RBM42: variants seen among roughly 807,000 people sequenced by gnomAD.
The protein encoded by RBM42 is RNA binding motif protein 42.
In RBM42, 21 loss-of-function variants were observed where a neutral mutation model predicts 41.4. The ratio of observed to expected loss-of-function variants is 0.51; its 90% CI spans 0.36 to 0.73. The LOEUF is 0.73. RBM42 is among the 30% of genes least tolerant of loss of function. RBM42 has a pLI of 0.00. For synonymous variants in RBM42, 272 were observed against 271.2 expected, an observed-to-expected ratio of 1.00 and a Z score of -0.03; for missense variants, 539 against 680.4, an observed-to-expected ratio of 0.79 and a Z score of 2.31.
chr19:35,633,254 T>C lies in RBM42; in HGVS notation c.684+2T>C. The C allele has an allele frequency of 6.4e-7, 1 of 1,572,324 alleles. No homozygotes were observed. Among genetic ancestry groups the C allele is most frequent in the Non-Finnish European group, 8.6e-7 (1 of 1,162,610 alleles). Reference sequence around the variant, plus strand: ...ATGGCTGCACTGAGGCCCCCTCTGGTGAGTGTGAACAGGGAACTAACGGTC... The same window carrying C: ...ATGGCTGCACTGAGGCCCCCTCTGGCGAGTGTGAACAGGGAACTAACGGTC... On this transcript the variant is annotated splice_donor_variant, in intron 6 of 9. Coordinates refer to ENST00000262633, the MANE Select transcript of RBM42 (RefSeq NM_024321.5). LOFTEE classifies it high-confidence loss of function.
Position 35,633,743 on chromosome 19 carries a change from G to A in RBM42, c.741G>A (p.Glu247=). The A allele has an allele frequency of 6.7e-7, 1 of 1,493,626 alleles. No homozygotes were observed. Among genetic ancestry groups the A allele is most frequent in the Non-Finnish European group, 8.9e-7 (1 of 1,127,566 alleles). The allele number at this position is 1,493,626 out of a possible 1,614,324, so 92.5% of individuals were successfully genotyped here. ...LGLGLGLGLK[E]KEEAVVAAAA... is the part of the protein sequence containing the mutation. ...TAGGCCTGGGGTTGGGCCTGAAAGA[G>A]AAGGAAGAGGCAGTGGTGGCGGCGG... The change falls in exon 7 of 10, where the codon GAG becomes GAA. Residue 247 remains glutamate (E), a synonymous_variant. Coordinates refer to ENST00000262633, the MANE Select transcript of RBM42 (RefSeq NM_024321.5).
rs1967439561 is a variant in RBM42 at position 35,633,328 on chromosome 19, G to C, written c.684+76G>C. On this transcript the variant is annotated intron_variant, in intron 6 of 9. Coordinates refer to ENST00000262633, the MANE Select transcript of RBM42 (RefSeq NM_024321.5). ...CATCCATCCTGGCCCAATGGGCTAT[G>C]TCTGAGTTGGCCTCTCTCCTGACTT... The C allele has an allele frequency of 2.5e-6, 3 of 1,177,048 alleles. No individual in the cohort carries two copies. The African/African-American group carries it at 4.7e-5, about 18-fold the overall frequency. The allele number at this position is 1,177,048 out of a possible 1,614,324, so 72.9% of individuals were successfully genotyped here.
chr19:35,632,877 AC>A, intron 4 of RBM42, 58 bp from the exon 5 acceptor site: 2 of 781,034 alleles, frequency 2.6e-6, no homozygotes, highest in South Asian at 2.7e-5. Flanking sequence ...GCACACACAC[AC>A]CTTGTCCCAA....
intron 7 of RBM42, 38 bp downstream of exon 7, chr19:35,634,057 CG>C (rs774967940): frequency 1.4e-6 from 2 of 1,467,012 alleles, no homozygotes; most frequent in Non-Finnish European, 1.8e-6. Context: ...ACAGAAGGGA[CG>C]GGGGGCAGAC....
In RBM42 at chr19:35,637,509, G is replaced by A. The variant is rs375761444; in HGVS notation, c.1398G>A (p.Val466=). The change falls in exon 10 of 10, where the codon GTG becomes GTA. Residue 466 remains valine, a synonymous_variant. Coordinates refer to ENST00000262633, the MANE Select transcript of RBM42 (RefSeq NM_024321.5). This position sits in a 1 kb window ranked among gnomAD's most constrained non-coding sequence, Gnocchi z 7.0. ...TGTGGAAGGACCGGAATCTGGACGTGGTCCGCAAGAAGCAGAAGGAAAAGA... is the reference window on the plus strand; with the variant it reads ...TGTGGAAGGACCGGAATCTGGACGTAGTCCGCAAGAAGCAGAAGGAAAAGA... ...KSMWKDRNLD[V]VRKKQKEKKK... 21 of 1,614,254 alleles carry A rather than the reference G, an allele frequency of 1.3e-5. No homozygotes were observed. The highest frequency in any genetic ancestry group is 3.3e-4 in the Middle Eastern group (2 of 6,062).
chr19:35,636,518 T>C (rs1008231529), intron 8 of RBM42, among the ~76,000 whole-genome samples: 6 of 152,184 alleles, frequency 3.9e-5, no homozygotes, highest in South Asian at 2.1e-4. Context: ...CAGGGATTCA[T>C]TGGGACAGAG....
chr19:35,634,491 C>A, intron 8 of RBM42, 118 bp downstream of exon 8: 1 of 676,656 alleles, frequency 1.5e-6, no homozygotes, highest in Admixed American at 2.7e-5. Flanking sequence ...TGTTGTTAGC[C>A]CACCTTGGGG....
At chr19:35,630,340 G>A (rs1429993279) in intron 2 of RBM42, among the ~76,000 whole-genome samples, 2 of 151,734 alleles carry the variant, frequency 1.3e-5, no homozygotes, top group Non-Finnish European at 2.9e-5. Flanking sequence ...CCTGAGGCAG[G>A]TGCATACCTG....
At chr19:35,631,618 C>G in intron 4 of RBM42, 1 of 593,730 alleles carries the variant, frequency 1.7e-6, no homozygotes, top group Non-Finnish European at 3.0e-6. Flanking sequence ...GCTGTCAGTC[C>G]TAATTCCCAG....
Position 35,631,553 on chromosome 19 carries a change from CCTTT to C in RBM42, c.442+151_442+154del, listed in dbSNP as rs1453664205. The C allele has an allele frequency of 4.2e-6, 3 of 715,030 alleles. No individual in the cohort carries two copies. In the African/African-American group the frequency reaches 5.4e-5, roughly 13 times the overall value. The allele number at this position is 715,030 out of a possible 1,614,324, so 44.3% of individuals were successfully genotyped here. A position where few individuals can be genotyped will look rare whatever the true frequency, so the allele number is the denominator to read the frequency against. ...TCCTAAAGCACGAACCTGATCATGTCCTTTCTGATGATGTCAATTTTGTTTTAAC... is the reference window on the plus strand; with the variant it reads ...TCCTAAAGCACGAACCTGATCATGTCCTGATGATGTCAATTTTGTTTTAAC... On this transcript the variant is annotated intron_variant, in intron 4 of 9. Transcript: ENST00000262633.
At position 35,637,275 on chromosome 19, in the gene RBM42, C is replaced by T. The variant is rs991619285; in HGVS notation, c.1253C>T (p.Thr418Ile). The T allele has an allele frequency of 6.2e-7, 1 of 1,614,130 alleles. No individual in the cohort carries two copies. Among genetic ancestry groups the T allele is most frequent in the African/African-American group, 1.3e-5 (1 of 74,954 alleles). Reference protein sequence around the residue: ...LKAKVIRDKRTGKTKGYGFVS... With the variant: ...LKAKVIRDKRIGKTKGYGFVS... ...GCCAAGGTGATCCGTGACAAGCGCA[C>T]AGGCAAGACCAAGGGCTACGGCTTC... Residue 418 changes from threonine (T) to isoleucine (I), a missense_variant, in exon 9 of 10, where the codon ACA (threonine) becomes ATA (isoleucine). Thr to Ile is a moderately conservative substitution (Grantham distance 89). Transcript: ENST00000262633. The surrounding 1 kb of genome is among the most constrained non-coding windows in gnomAD (Gnocchi z 7.0).
At chr19:35,636,153 G>GTTTTTTTTTTT (rs548944915) in intron 8 of RBM42, among the ~76,000 whole-genome samples, 1 of 138,222 alleles carries the variant, frequency 7.2e-6, no homozygotes, top group Non-Finnish European at 1.6e-5. Flanking sequence ...TTCTTCTTTT[G>GTTTTTTTTTTT]TTTTTTTTTT....
At chr19:35,631,249 G>A in intron 3 of RBM42, 25 bp downstream of exon 3, 1 of 1,613,092 alleles carries the variant, frequency 6.2e-7, no homozygotes, top group Non-Finnish European at 8.5e-7. Context: ...GCAAGGTGAG[G>A]GGGTTGGGCA....
Position 35,633,755 on chromosome 19 carries a change from A to AGTG in RBM42, c.758_760dup (p.Val253dup), listed in dbSNP as rs780327086. 3 of 1,499,404 alleles carry AGTG rather than the reference A, an allele frequency of 2.0e-6. No individual in the cohort carries two copies. The highest frequency in any genetic ancestry group is 5.1e-5 in the East Asian group (2 of 39,522). 92.9% of individuals were successfully genotyped at this position (1,499,404 alleles called of 1,614,324 possible). Reference sequence around the variant, plus strand: ...TGGGCCTGAAAGAGAAGGAAGAGGCAGTGGTGGCGGCGGCGGCTGGGCTGG... The same window carrying AGTG: ...TGGGCCTGAAAGAGAAGGAAGAGGCAGTGGTGGTGGCGGCGGCGGCTGGGCTGG... On this transcript the variant is annotated inframe_insertion, in exon 7 of 10. Transcript: ENST00000262633.
Position 35,629,177 on chromosome 19 carries a change from G to C in RBM42, c.24G>C (p.Pro8=). MAGAGPA[P]GLPGAGGPVV... is the part of the protein sequence containing the mutation. The stretch of plus-strand genomic sequence containing the variant: ...CGATGGCTGGGGCGGGGCCAGCCCC[G>C]GGACTCCCGGGTGCAGGAGGACCCG... The change falls in exon 1 of 10, where the codon CCG becomes CCC. Residue 8 remains proline, a synonymous_variant. Transcript: ENST00000262633. 6.6e-7 allele frequency: 1 copy of C among 1,525,694 alleles called. No homozygotes were observed. The highest frequency in any genetic ancestry group is 8.8e-7 in the Non-Finnish European group (1 of 1,140,874). The allele number at this position is 1,525,694 out of a possible 1,614,324, so 94.5% of individuals were successfully genotyped here. A position where few individuals can be genotyped will look rare whatever the true frequency, so the allele number is the denominator to read the frequency against.
intron 4 of RBM42, 156 bp downstream of exon 4, chr19:35,631,561 A>G (rs1599605721): frequency 1.1e-5 from 8 of 697,294 alleles, no homozygotes; most frequent in Admixed American, 8.7e-5. Context: ...GTCCTTTCTG[A>G]TGATGTCAAT....
intron 8 of RBM42, 84 bp downstream of exon 8, chr19:35,634,457 G>T: frequency 1.0e-5 from 10 of 962,714 alleles, no homozygotes; most frequent in Non-Finnish European, 1.6e-5. Flanking sequence ...CTGGGAGGGT[G>T]AACCCTCTCA....
chr19:35,630,969 C>T (rs1014486127), intron 2 of RBM42, among the ~76,000 whole-genome samples, 171 bp from the exon 3 acceptor site: 6 of 151,386 alleles, frequency 4.0e-5, no homozygotes, highest in Non-Finnish European at 8.9e-5. Flanking sequence ...GCTCAGAGAG[C>T]CCTAGTGTGA....
rs139455487 is a variant in RBM42 at position 35,633,109 on chromosome 19, C to T, written c.541C>T (p.Arg181Cys). The change falls in exon 6 of 10, where the codon CGC becomes TGC. Residue 181 changes from arginine (R) to cysteine (C), a missense_variant. Coordinates refer to ENST00000262633, the MANE Select transcript of RBM42 (RefSeq NM_024321.5). The stretch of plus-strand genomic sequence containing the variant: ...TCTCTCCTCTGCAGCAGCCGGCCCC[C>T]GCCCTATGGCCCTACGGCCCCCTCA... Reference protein sequence around the residue: ...SALSSAAAGPRPMALRPPHQA... With the variant: ...SALSSAAAGPCPMALRPPHQA... The T allele has an allele frequency of 3.8e-5, 61 of 1,611,802 alleles. No individual in the cohort carries two copies. The highest frequency in any genetic ancestry group is 2.0e-5 in the Non-Finnish European group (23 of 1,178,008).
Sources: gnomAD v4.1 joint callset for allele counts (sites outside exome capture counted in the v4.1 genomes callset) on GRCh38, gnomAD v4.1.1 for gene constraint, Gnocchi (gnomAD v3.1) non-coding constraint, MANE v1.5 for transcripts, NCBI Gene and HGNC (gene_info 2026-07-23, HGNC 2026-07-21) for gene names.